The following IL17RD variants were observed in gnomAD, a reference collection of about 807,000 sequenced individuals.
IL17RD encodes the protein interleukin 17 receptor D.
IL17RD carries 52 observed loss-of-function variants against 80.5 expected under a neutral mutation model. The observed-to-expected ratio is 0.65, with a 90% CI of 0.52 to 0.81. The LOEUF (loss-of-function observed/expected upper bound fraction) is 0.81, where lower values mean the gene tolerates loss of function less well. IL17RD is among the 40% of genes least tolerant of loss of function. The probability of loss-of-function intolerance (pLI) is 0.00; values close to 1 mark genes in which losing one functional copy is unlikely to be tolerated. For synonymous variants in IL17RD, 416 were observed against 391.8 expected, an observed-to-expected ratio of 1.06 and a Z score of -0.73; for missense variants, 1,024 against 955.1, an observed-to-expected ratio of 1.07 and a Z score of -0.95.
chr3:57,151,899 C>T (rs1055767639), intron 1 of IL17RD, among the ~76,000 whole-genome samples: 8 of 152,120 alleles, frequency 5.3e-5, no homozygotes, highest in African/African-American at 1.4e-4. Context: ...CCCCCAAATT[C>T]CCCCAATCAA....
chr3:57,107,965 G>A (rs1462360124), intron 5 of IL17RD, among the ~76,000 whole-genome samples: 1 of 152,050 alleles, frequency 6.6e-6, no homozygotes, highest in Non-Finnish European at 1.5e-5. Context: ...ATCTAGTCCT[G>A]AAAATGACAG....
chr3:57,119,285 G>A (rs1225777968), intron 2 of IL17RD, among the ~76,000 whole-genome samples: 5 of 151,816 alleles, frequency 3.3e-5, no homozygotes, highest in African/African-American at 1.2e-4. Flanking sequence ...CCGGGAGGTG[G>A]AGCTTGCAGT....
At chr3:57,096,535 C>G in intron 12 of IL17RD, 30 bp from the exon 13 acceptor site, 2 of 1,441,012 alleles carry the variant, frequency 1.4e-6, no homozygotes, top group Non-Finnish European at 2.0e-6. Context: ...CAGAGTCACA[C>G]TGTCATTGCA....
Position 57,137,805 on chromosome 3 carries a change from C to T in IL17RD, c.127-17492G>A, listed in dbSNP as rs80280114. 8.6e-3 allele frequency among the ~76,000 whole-genome samples: 1,313 copies of T among 152,274 alleles called. 17 individuals carry two copies. The highest frequency in any genetic ancestry group is 0.03 in the African/African-American group (1,242 of 41,536). ...GGGAGTCTCTAATCTTCCCCTGTTG[C>T]TCTTACACACCTTGACTTTCCTGTC... On this transcript the variant is annotated intron_variant, in intron 1 of 12. Coordinates refer to ENST00000296318, the MANE Select transcript of IL17RD (RefSeq NM_017563.5).
At chr3:57,155,705 C>T (rs1396477409) in intron 1 of IL17RD, among the ~76,000 whole-genome samples, 1 of 152,196 alleles carries the variant, frequency 6.6e-6, no homozygotes, top group Non-Finnish European at 1.5e-5. Context: ...ATTCTCCAGC[C>T]TCAGTCTCCT....
intron 1 of IL17RD, among the ~76,000 whole-genome samples, chr3:57,145,300 T>C (rs1268779160): frequency 6.6e-6 from 1 of 152,134 alleles, no homozygotes; most frequent in African/African-American, 2.4e-5. Flanking sequence ...TCATTAACAA[T>C]AGTGTTGATG....
At chr3:57,152,007 A>C (rs4535195) in intron 1 of IL17RD, among the ~76,000 whole-genome samples, 57,169 of 151,914 alleles carry the variant, frequency 0.38, 10,909 homozygotes, top group East Asian at 0.54. Flanking sequence ...AGCTGCGCAG[A>C]CTCAGTACTG....
At chr3:57,111,557 A>G (rs947183672) in intron 3 of IL17RD, among the ~76,000 whole-genome samples, 3 of 152,228 alleles carry the variant, frequency 2.0e-5, no homozygotes, top group African/African-American at 7.2e-5. Flanking sequence ...AAAACTTTTT[A>G]AAACAAATCC....
chr3:57,140,343 T>C (rs982730882), intron 1 of IL17RD, among the ~76,000 whole-genome samples: 3 of 152,204 alleles, frequency 2.0e-5, no homozygotes, highest in Non-Finnish European at 4.4e-5. Context: ...CAGATACTCC[T>C]AACCAACTGG....
rs1223090341 is a variant in IL17RD, at chr3:57,127,375, TATAAATAAATAAATAAATAA to T, written c.127-7082_127-7063del. On this transcript the variant is annotated intron_variant, in intron 1 of 12. Transcript: ENST00000296318. Reference sequence around the variant, plus strand: ...ATATATATAAATATAAATATATATATATAAATAAATAAATAAATAAATATATATATATATATATTTTTTTT... The same window carrying T: ...ATATATATAAATATAAATATATATATATATATATATATATATATTTTTTTT... Among the ~76,000 whole-genome samples, 261 of 75,370 alleles carry T rather than the reference TATAAATAAATAAATAAATAA, an allele frequency of 3.5e-3. 8 individuals are homozygous for T. Among genetic ancestry groups the T allele is most frequent in the African/African-American group, 0.017 (252 of 14,758 alleles). The allele number at this position is 75,370 out of a possible 152,430, so 49.4% of individuals were successfully genotyped here.
At chr3:57,136,963 T>C (rs1707744311) in intron 1 of IL17RD, among the ~76,000 whole-genome samples, 1 of 152,116 alleles carries the variant, frequency 6.6e-6, no homozygotes, top group Non-Finnish European at 1.5e-5. Flanking sequence ...CTATGTGTAA[T>C]AAGATTTCAG....
chr3:57,111,220 A>C (rs1707090846), intron 3 of IL17RD, among the ~76,000 whole-genome samples: 1 of 152,280 alleles, frequency 6.6e-6, no homozygotes. Flanking sequence ...GGATGCAATT[A>C]ACCAGGTGGG....
chr3:57,117,453 A>C (rs1406529085), intron 2 of IL17RD, among the ~76,000 whole-genome samples: 1 of 152,184 alleles, frequency 6.6e-6, no homozygotes, highest in African/African-American at 2.4e-5. Context: ...AATATAACCT[A>C]CTTGGGCATA....
At position 57,101,304 on chromosome 3, in the gene IL17RD, G is replaced by C; in HGVS notation, c.1039C>G (p.Leu347Val). ...SSESSTYTAA[L>V]PRERLRPRPK... Reference sequence around the variant, plus strand: ...CGCGGCCGGAGCCTCTCTCTTGGGAGTGCTGCAGTGTATGTGGAAGACTCA... The same window carrying C: ...CGCGGCCGGAGCCTCTCTCTTGGGACTGCTGCAGTGTATGTGGAAGACTCA... Residue 347 changes from leucine (L) to valine (V), a missense_variant, in exon 11 of 13, where the codon CTC (leucine) becomes GTC (valine). Coordinates refer to ENST00000296318, the MANE Select transcript of IL17RD (RefSeq NM_017563.5). 1 of 1,613,110 alleles carries C rather than the reference G, an allele frequency of 6.2e-7. No homozygotes were observed. The highest frequency in any genetic ancestry group is 8.5e-7 in the Non-Finnish European group (1 of 1,179,190).
At chr3:57,109,933 C>T (rs915709549) in intron 4 of IL17RD, among the ~76,000 whole-genome samples, 3 of 152,208 alleles carry the variant, frequency 2.0e-5, no homozygotes, top group Admixed American at 6.5e-5. Context: ...AGCCCACATA[C>T]ACTCTTTGGA....
At position 57,092,347 on chromosome 3, in the gene IL17RD, G is replaced by A. The variant is rs929459227; in HGVS notation, c.*4046C>T. The A allele has an allele frequency of 6.5e-6, 1 of 152,710 alleles. No individual in the cohort carries two copies. Among genetic ancestry groups the A allele is most frequent in the Non-Finnish European group, 1.5e-5 (1 of 68,124 alleles). The allele number at this position is 152,710 out of a possible 1,614,324, so 9.5% of individuals were successfully genotyped here. A position where few individuals can be genotyped will look rare whatever the true frequency, so the allele number is the denominator to read the frequency against. ...CTCACGCCTGTAATCCCAGCACTTT[G>A]GGAGGCCGAGGCAAGCGGATCACCA... On this transcript the variant is annotated 3_prime_UTR_variant, in exon 13 of 13. Coordinates refer to ENST00000296318, the MANE Select transcript of IL17RD (RefSeq NM_017563.5).
chr3:57,109,441 G>A (rs1038672238), intron 5 of IL17RD, 96 bp downstream of exon 5: 14 of 1,403,210 alleles, frequency 1.0e-5, no homozygotes, highest in East Asian at 2.4e-5. Flanking sequence ...CACCGCGCCC[G>A]GCCTTGGCAC....
In IL17RD at chr3:57,115,546, G is replaced by A. The variant is rs1339999959; in HGVS notation, c.185-729C>T. Among the ~76,000 whole-genome samples the A allele has an allele frequency of 5.3e-5, 8 of 152,164 alleles. No individual in the cohort carries two copies. In the South Asian group the frequency reaches 8.3e-4, roughly 16 times the overall value. On this transcript the variant is annotated intron_variant, in intron 2 of 12. Coordinates refer to ENST00000296318, the MANE Select transcript of IL17RD (RefSeq NM_017563.5). Reference sequence around the variant, plus strand: ...ACCTGTCAATGTAGCCATAGCAGCTGCACCACCTGGTCTTGCTAAATACAC... The same window carrying A: ...ACCTGTCAATGTAGCCATAGCAGCTACACCACCTGGTCTTGCTAAATACAC...
chr3:57,104,898 C>G (rs1488276950), intron 7 of IL17RD, among the ~76,000 whole-genome samples: 1 of 152,168 alleles, frequency 6.6e-6, no homozygotes, highest in Non-Finnish European at 1.5e-5. Flanking sequence ...CAAAAACTTT[C>G]TTGGTATCCA....
Sources: gnomAD v4.1 joint callset for allele counts (sites outside exome capture counted in the v4.1 genomes callset) on GRCh38, gnomAD v4.1.1 for gene constraint, MANE v1.5 for transcripts, NCBI Gene and HGNC (gene_info 2026-07-23, HGNC 2026-07-21) for gene names.